The following UBE2E2 variants were observed in gnomAD, a reference collection of about 807,000 sequenced individuals.
UBE2E2 encodes the protein ubiquitin conjugating enzyme E2 E2, also known as ubiquitin-conjugating enzyme E2 E2.
UBE2E2 carries 6 observed loss-of-function variants against 24.7 expected under a neutral mutation model. That is an observed-to-expected ratio of 0.24 (90% CI 0.13 to 0.48). UBE2E2 has a LOEUF of 0.48. UBE2E2 is among the 20% of genes least tolerant of loss of function. The pLI is 0.99. For synonymous variants in UBE2E2, 104 were observed against 83.6 expected, an observed-to-expected ratio of 1.24 and a Z score of -1.33; for missense variants, 169 against 245.0, an observed-to-expected ratio of 0.69 and a Z score of 2.07.
At chr3:23,497,253 G>A (rs1014832797) in intron 3 of UBE2E2, among the ~76,000 whole-genome samples, 9 of 152,114 alleles carry the variant, frequency 5.9e-5, no homozygotes, top group African/African-American at 1.4e-4. Flanking sequence ...GTGGCCCTTC[G>A]TATGGATCCC....
chr3:23,297,446 T>A (rs566213070), intron 3 of UBE2E2, among the ~76,000 whole-genome samples: 1,693 of 152,262 alleles, frequency 0.011, 25 homozygotes, highest in African/African-American at 0.037. Context: ...GTTTTAGGTC[T>A]AACGTTTAAG....
At chr3:23,570,685 A>G (rs1297181795) in intron 5 of UBE2E2, among the ~76,000 whole-genome samples, 1 of 152,222 alleles carries the variant, frequency 6.6e-6, no homozygotes, top group Non-Finnish European at 1.5e-5. Flanking sequence ...CTGACAAATG[A>G]GTATATTTCT....
chr3:23,368,964 A>G (rs1020487186), intron 3 of UBE2E2, among the ~76,000 whole-genome samples: 1 of 152,208 alleles, frequency 6.6e-6, no homozygotes, highest in Non-Finnish European at 1.5e-5. Flanking sequence ...CCATTACTCT[A>G]AAATATCAGG....
At position 23,422,223 on chromosome 3, in the gene UBE2E2, G is replaced by A. The variant is rs548709453; in HGVS notation, c.228-77385G>A. ...CTTTTAAGAGAAACAATTTTCTTAGGTACTTTAAAGGAGCATTAATAATAA... is the reference window on the plus strand; with the variant it reads ...CTTTTAAGAGAAACAATTTTCTTAGATACTTTAAAGGAGCATTAATAATAA... On this transcript the variant is annotated intron_variant, in intron 3 of 5. Transcript: ENST00000396703. Among the ~76,000 whole-genome samples the A allele has an allele frequency of 5.4e-4, 82 of 152,230 alleles. 1 individual carries two copies. The highest frequency in any genetic ancestry group is 1.9e-3 in the African/African-American group (81 of 41,550).
chr3:23,469,151 G>C (rs1427399000), intron 3 of UBE2E2, among the ~76,000 whole-genome samples: 2 of 152,102 alleles, frequency 1.3e-5, no homozygotes, highest in Non-Finnish European at 2.9e-5. Flanking sequence ...TCTCTGTTCT[G>C]GGTTACAGAC....
Position 23,280,048 on chromosome 3 carries a change from C to T in UBE2E2, c.227+62736C>T, listed in dbSNP as rs1474549310. Among the ~76,000 whole-genome samples, 1 of 152,170 alleles carries T rather than the reference C, an allele frequency of 6.6e-6. No homozygotes were observed. Among genetic ancestry groups the T allele is most frequent in the Non-Finnish European group, 1.5e-5 (1 of 68,038 alleles). On this transcript the variant is annotated intron_variant, in intron 3 of 5. Transcript: ENST00000396703. The surrounding 1 kb of genome is among the most constrained non-coding windows in gnomAD (Gnocchi z 4.3). ...TCATTCACCTATTAGGCCATACATT[C>T]AAATAAGCATGGGAGAGAAAACACA... is the stretch of plus-strand genomic sequence containing the variant.
chr3:23,354,844 A>G (rs1363743830), intron 3 of UBE2E2, among the ~76,000 whole-genome samples: 1 of 152,242 alleles, frequency 6.6e-6, no homozygotes, highest in Non-Finnish European at 1.5e-5. Context: ...ATCTAGAACT[A>G]GACATACCAT....
chr3:23,250,987 A>G (rs1697559147), intron 3 of UBE2E2, among the ~76,000 whole-genome samples: 1 of 152,128 alleles, frequency 6.6e-6, no homozygotes, highest in Non-Finnish European at 1.5e-5. Context: ...CCTCCCAGGT[A>G]GCTGGGACTA....
intron 3 of UBE2E2, chr3:23,270,859 G>A (rs1390165738): frequency 6.6e-6 from 3 of 454,068 alleles, no homozygotes; most frequent in African/African-American, 6.0e-5. Context: ...GAAATCTAGT[G>A]TTTAATTACA....
At chr3:23,288,907 C>T (rs1249536522) in intron 3 of UBE2E2, among the ~76,000 whole-genome samples, 1 of 152,208 alleles carries the variant, frequency 6.6e-6, no homozygotes, top group Admixed American at 6.5e-5. Context: ...CATATTCTCT[C>T]TTCACACCAC....
chr3:23,228,112 C>A (rs572595334), intron 3 of UBE2E2, among the ~76,000 whole-genome samples: 1 of 152,096 alleles, frequency 6.6e-6, no homozygotes, highest in South Asian at 2.1e-4. Flanking sequence ...GAGAAAAATT[C>A]TTTGCTTTGT....
intron 3 of UBE2E2, among the ~76,000 whole-genome samples, chr3:23,252,972 T>A (rs375009716): frequency 1.3e-5 from 2 of 152,250 alleles, no homozygotes; most frequent in East Asian, 1.9e-4. Flanking sequence ...TTCTAAATTT[T>A]ATCTTTTAAT....
chr3:23,462,974 A>G (rs914179454), intron 3 of UBE2E2, among the ~76,000 whole-genome samples: 1 of 152,210 alleles, frequency 6.6e-6, no homozygotes, highest in African/African-American at 2.4e-5. Flanking sequence ...TGCCTACCAT[A>G]TAGTAGACAC....
At chr3:23,340,037 A>T (rs1211940352) in intron 3 of UBE2E2, among the ~76,000 whole-genome samples, 1 of 152,116 alleles carries the variant, frequency 6.6e-6, no homozygotes, top group Non-Finnish European at 1.5e-5. Flanking sequence ...ACTCCCATTT[A>T]ATACATGGAT....
At chr3:23,434,445 A>T (rs543014238) in intron 3 of UBE2E2, among the ~76,000 whole-genome samples, 8 of 152,248 alleles carry the variant, frequency 5.3e-5, no homozygotes, top group Admixed American at 5.2e-4. Flanking sequence ...GACAAAATTT[A>T]AAGGCAAAAA....
chr3:23,238,879 G>T (rs1432223914), intron 3 of UBE2E2, among the ~76,000 whole-genome samples: 1 of 152,170 alleles, frequency 6.6e-6, no homozygotes, highest in Non-Finnish European at 1.5e-5. Context: ...TGTCAGTGCT[G>T]AAAGTTTTTG....
intron 3 of UBE2E2, among the ~76,000 whole-genome samples, chr3:23,275,541 G>C (rs73037733): frequency 5.9e-5 from 9 of 152,250 alleles, no homozygotes; most frequent in Non-Finnish European, 1.2e-4. Context: ...GGGAGGACCC[G>C]TAAGATGATT....
chr3:23,462,134 C>T (rs926819099), intron 3 of UBE2E2, among the ~76,000 whole-genome samples: 1 of 152,148 alleles, frequency 6.6e-6, no homozygotes. Flanking sequence ...CTCCCCAATG[C>T]TGTCACTATT....
intron 3 of UBE2E2, among the ~76,000 whole-genome samples, chr3:23,326,699 G>T (rs1363688568): frequency 1.3e-5 from 2 of 152,192 alleles, no homozygotes; most frequent in Non-Finnish European, 2.9e-5. Context: ...TATACTTTAA[G>T]TTCTTGGGTA....
Sources: allele counts gnomAD v4.1 joint callset (sites outside exome capture counted in the v4.1 genomes callset), GRCh38; gene constraint gnomAD v4.1.1; non-coding constraint Gnocchi (gnomAD v3.1); transcripts MANE v1.5; gene names NCBI Gene and HGNC (gene_info 2026-07-23, HGNC 2026-07-21).